ZNF385D: variants seen among roughly 807,000 people sequenced by gnomAD.
ZNF385D encodes the protein zinc finger protein 385D, also known as zinc finger protein 659.
A neutral mutation model predicts 35.8 loss-of-function variants in ZNF385D; 15 were observed. The observed-to-expected ratio is 0.42, with a 90% CI of 0.28 to 0.64. The LOEUF (loss-of-function observed/expected upper bound fraction) is 0.64, where lower values mean the gene tolerates loss of function less well. Ranked by LOEUF, ZNF385D falls within the 30% of genes least tolerant of loss-of-function variation. The pLI, the probability that ZNF385D is intolerant of heterozygous loss-of-function variation, is 0.23. For missense variants in ZNF385D, 474 were observed against 494.6 expected, an observed-to-expected ratio of 0.96 and a Z score of 0.39; for synonymous variants, 212 against 186.8, an observed-to-expected ratio of 1.13 and a Z score of -1.10.
At chr3:22,242,743 T>A (rs1041213693) in intron 2 of ZNF385D, among the ~76,000 whole-genome samples, 2 of 151,120 alleles carry the variant, frequency 1.3e-5, no homozygotes, top group African/African-American at 2.4e-5. Flanking sequence ...ATAAAGACCA[T>A]AGTTAATGGA....
intron 3 of ZNF385D, among the ~76,000 whole-genome samples, chr3:21,895,300 G>A (rs774543996): frequency 7.4e-6 from 1 of 134,672 alleles, no homozygotes; most frequent in South Asian, 2.7e-4. Flanking sequence ...TGCTATGGTT[G>A]AATCACTGAA....
At chr3:22,281,337 ACT>A (rs1701729127) in intron 2 of ZNF385D, among the ~76,000 whole-genome samples, 1 of 151,960 alleles carries the variant, frequency 6.6e-6, no homozygotes, top group Non-Finnish European at 1.5e-5. Flanking sequence ...AATGCTCTCA[ACT>A]TTTCCCCACT....
At chr3:21,497,417 C>T (rs1188387063) in intron 4 of ZNF385D, among the ~76,000 whole-genome samples, 2 of 152,114 alleles carry the variant, frequency 1.3e-5, no homozygotes, top group African/African-American at 2.4e-5. Flanking sequence ...AATGAAAAAA[C>T]ACTCCATGCT....
At chr3:21,528,950 CA>C (rs1469927917) in intron 3 of ZNF385D, among the ~76,000 whole-genome samples, 6 of 152,068 alleles carry the variant, frequency 3.9e-5, no homozygotes, top group Non-Finnish European at 8.8e-5. Flanking sequence ...AAGAATATAA[CA>C]TATATTTTTG....
chr3:22,026,240 C>A (rs530603300), intron 3 of ZNF385D, among the ~76,000 whole-genome samples: 1 of 152,284 alleles, frequency 6.6e-6, no homozygotes, highest in East Asian at 1.9e-4. Context: ...CATGGCCCCT[C>A]AATTTCAAGA....
intron 3 of ZNF385D, among the ~76,000 whole-genome samples, chr3:21,769,642 A>G (rs1442152463): frequency 8.2e-6 from 1 of 122,616 alleles, no homozygotes; most frequent in African/African-American, 3.3e-5. Context: ...AATCAATATC[A>G]TGAAAATGGC....
intron 1 of ZNF385D, among the ~76,000 whole-genome samples, chr3:21,728,649 G>A (rs1205833062): frequency 6.6e-6 from 1 of 152,120 alleles, no homozygotes; most frequent in African/African-American, 2.4e-5. Context: ...AACAAGTTAT[G>A]TATTTTTGCC....
chr3:21,468,100 G>A (rs1170249811), intron 4 of ZNF385D, among the ~76,000 whole-genome samples: 1 of 151,992 alleles, frequency 6.6e-6, no homozygotes, highest in Non-Finnish European at 1.5e-5. Context: ...AATAAAAAAT[G>A]TGTCCATAAA....
At chr3:22,372,132 G>A (rs576624401) in intron 2 of ZNF385D, among the ~76,000 whole-genome samples, 8 of 151,630 alleles carry the variant, frequency 5.3e-5, no homozygotes, top group African/African-American at 1.9e-4. Context: ...CCCCCGCCTC[G>A]GCCTCCCCTG....
At chr3:22,012,398 A>G (rs1272871953) in intron 3 of ZNF385D, among the ~76,000 whole-genome samples, 2 of 152,278 alleles carry the variant, frequency 1.3e-5, no homozygotes, top group Admixed American at 6.5e-5. Context: ...GTGCTAAAAA[A>G]TAAATTACAT....
chr3:21,484,818 T>A (rs886987721), intron 4 of ZNF385D, among the ~76,000 whole-genome samples: 1 of 152,146 alleles, frequency 6.6e-6, no homozygotes, highest in South Asian at 2.1e-4. Flanking sequence ...AGAATATGAC[T>A]GAAAAGAGCA....
chr3:21,955,167 T>C (rs758130451), intron 3 of ZNF385D, among the ~76,000 whole-genome samples: 2 of 152,140 alleles, frequency 1.3e-5, no homozygotes, highest in African/African-American at 2.4e-5. Flanking sequence ...TTCTCCTTCC[T>C]ACAAAACACA....
intron 2 of ZNF385D, among the ~76,000 whole-genome samples, chr3:21,628,494 G>A (rs1323078764): frequency 7.0e-6 from 1 of 143,782 alleles, no homozygotes; most frequent in Non-Finnish European, 1.5e-5. Flanking sequence ...TAGTTTATAT[G>A]AAAAATCTAG....
intron 3 of ZNF385D, among the ~76,000 whole-genome samples, chr3:21,535,374 T>C (rs962017326): frequency 4.6e-5 from 7 of 152,174 alleles, no homozygotes; most frequent in Admixed American, 3.9e-4. Context: ...AATGAAGTCT[T>C]AGAAAATACT....
chr3:21,632,833 C>G (rs1360965012), intron 2 of ZNF385D, among the ~76,000 whole-genome samples: 2 of 152,090 alleles, frequency 1.3e-5, no homozygotes, highest in African/African-American at 4.8e-5. Context: ...TGTCATCAAG[C>G]AATGGGAACT....
intron 2 of ZNF385D, among the ~76,000 whole-genome samples, chr3:22,325,832 A>AT (rs147399511): frequency 0.23 from 34,582 of 151,404 alleles, 4,651 homozygotes; most frequent in Non-Finnish European, 0.32. Flanking sequence ...AAAGAATCAC[A>AT]TTTTTTTTTC....
chr3:22,016,896 C>G (rs2125447467), intron 3 of ZNF385D, among the ~76,000 whole-genome samples: 1 of 151,876 alleles, frequency 6.6e-6, no homozygotes. Context: ...TTGAATTTAT[C>G]TATCAATCTA....
intron 3 of ZNF385D, among the ~76,000 whole-genome samples, chr3:21,896,362 C>A (rs1699136414): frequency 6.6e-6 from 1 of 151,910 alleles, no homozygotes; most frequent in Non-Finnish European, 1.5e-5. Flanking sequence ...GTGTAGATAC[C>A]AACTTCCTAA....
rs370097703 is a variant in ZNF385D at position 21,741,832 on chromosome 3, G to A, written c.22+9063C>T. 7.9e-4 allele frequency among the ~76,000 whole-genome samples: 121 copies of A among 152,202 alleles called. 2 individuals carry two copies. In the South Asian group the frequency reaches 0.02, roughly 25 times the overall value. On this transcript the variant is annotated intron_variant, in intron 1 of 7. Coordinates refer to ENST00000281523, the MANE Select transcript of ZNF385D (RefSeq NM_024697.3). ...AAAGAGTATGGGGCATGGAATCTCA[G>A]GGTTCCTGCCCTGCTCGCTTTCTCT...
Sources: allele counts gnomAD v4.1 joint callset (sites outside exome capture counted in the v4.1 genomes callset), GRCh38; gene constraint gnomAD v4.1.1; transcripts MANE v1.5; gene names NCBI Gene and HGNC (gene_info 2026-07-23, HGNC 2026-07-21).